CCDC138: variants seen among roughly 807,000 people sequenced by gnomAD.
CCDC138 encodes the protein coiled-coil domain-containing protein 138.
A neutral mutation model predicts 82.3 loss-of-function variants in CCDC138; 66 were observed. The ratio of observed to expected loss-of-function variants is 0.80; its 90% CI spans 0.66 to 0.98. The LOEUF is 0.98. Ranked by LOEUF, CCDC138 falls within the 50% of genes least tolerant of loss-of-function variation. The pLI, the probability that CCDC138 is intolerant of heterozygous loss-of-function variation, is 0.00. For synonymous variants in CCDC138, 297 were observed against 265.4 expected, an observed-to-expected ratio of 1.12 and a Z score of -1.16; for missense variants, 816 against 758.9, an observed-to-expected ratio of 1.08 and a Z score of -0.88.
intron 13 of CCDC138, among the ~76,000 whole-genome samples, chr2:108,860,851 T>C (rs945102643): frequency 1.3e-5 from 2 of 151,652 alleles, no homozygotes; most frequent in African/African-American, 4.8e-5. Flanking sequence ...CTCCTCGATA[T>C]TTTGGAATAG....
chr2:108,880,943 T>C (rs1426414119), downstream of CCDC138, among the ~76,000 whole-genome samples: 1 of 152,204 alleles, frequency 6.6e-6, no homozygotes, highest in Non-Finnish European at 1.5e-5. Flanking sequence ...TTATAATTCA[T>C]GAGAGAAGTT....
intron 3 of CCDC138, among the ~76,000 whole-genome samples, chr2:108,790,215 A>G (rs540845494): frequency 1.3e-5 from 2 of 152,218 alleles, no homozygotes; most frequent in East Asian, 1.9e-4. Flanking sequence ...GGATTTAGAC[A>G]TGAGCTACGT....
chr2:108,829,875 C>T, intron 10 of CCDC138, among the ~76,000 whole-genome samples: 1 of 152,150 alleles, frequency 6.6e-6, no homozygotes, highest in East Asian at 1.9e-4. Context: ...GGTGATTCTT[C>T]AAAAACTTAA....
At chr2:108,853,093 G>GT (rs1213397676) in intron 12 of CCDC138, among the ~76,000 whole-genome samples, 2 of 152,156 alleles carry the variant, frequency 1.3e-5, no homozygotes, top group Non-Finnish European at 2.9e-5. Context: ...ATGTTCCAAG[G>GT]TGTTAATATG....
chr2:108,879,908 C>T (rs969409913), downstream of CCDC138, among the ~76,000 whole-genome samples: 2 of 151,970 alleles, frequency 1.3e-5, no homozygotes, highest in Non-Finnish European at 2.9e-5. Context: ...CTAGAGTAAA[C>T]AATGTAAAAT....
chr2:108,816,864 T>TA (rs1184469272), intron 10 of CCDC138, among the ~76,000 whole-genome samples: 5 of 152,060 alleles, frequency 3.3e-5, no homozygotes, highest in African/African-American at 9.7e-5. Context: ...AGCTAATTTT[T>TA]AAAAAAAATT....
chr2:108,827,627 T>C (rs1042661049), intron 10 of CCDC138, among the ~76,000 whole-genome samples: 9 of 151,914 alleles, frequency 5.9e-5, no homozygotes, highest in African/African-American at 1.4e-4. Flanking sequence ...CTATCCTGGC[T>C]AACACAGTGA....
chr2:108,822,506 C>T (rs969214490), intron 10 of CCDC138, among the ~76,000 whole-genome samples: 1 of 152,148 alleles, frequency 6.6e-6, no homozygotes, highest in African/African-American at 2.4e-5. Flanking sequence ...ATACATTCTT[C>T]TCTTCTCAAG....
rs1684758138 is a variant in CCDC138, at chr2:108,816,107, T to C, written c.1206+2T>C. 6.3e-7 allele frequency: 1 copy of C among 1,595,522 alleles called. No homozygotes were observed. On this transcript the variant is annotated splice_donor_variant, in intron 10 of 14. Coordinates refer to ENST00000295124, the MANE Select transcript of CCDC138 (RefSeq NM_144978.3). LOFTEE classifies it high-confidence loss of function. ...GATATTCAGGAGAAGTGTGTAAAGG[T>C]TTGTTTTTTAATTTGAAATATGTGA... is the stretch of plus-strand genomic sequence containing the variant.
At chr2:108,799,066 T>TG (rs1042497230) in intron 6 of CCDC138, among the ~76,000 whole-genome samples, 3 of 152,174 alleles carry the variant, frequency 2.0e-5, no homozygotes, top group African/African-American at 7.2e-5. Context: ...GGGGGTTGTT[T>TG]GTTTGATCAA....
At chr2:108,789,855 T>C (rs1039316174) in intron 3 of CCDC138, among the ~76,000 whole-genome samples, 4 of 152,126 alleles carry the variant, frequency 2.6e-5, no homozygotes, top group Non-Finnish European at 4.4e-5. Context: ...AAAATAAAGA[T>C]CTAAGTTGGA....
At position 108,815,972 on chromosome 2, in the gene CCDC138, T is replaced by G; in HGVS notation, c.1073T>G (p.Leu358Ter). Residue 358 changes from leucine (L) to a stop codon, truncating the protein, a stop_gained, in exon 10 of 15, where the codon TTA (leucine) becomes TGA (stop). Transcript: ENST00000295124. LOFTEE classifies it high-confidence loss of function. ...CTTAATGGGCAAGTTTATGAACTTTTAACTGTCTTCATGGACTGGATTTCG... is the reference window on the plus strand; with the variant it reads ...CTTAATGGGCAAGTTTATGAACTTTGAACTGTCTTCATGGACTGGATTTCG... ...VPLNGQVYEL[L>*]TVFMDWISDH... 1.2e-6 allele frequency: 2 copies of G among 1,612,978 alleles called. No homozygotes were observed. The highest frequency in any genetic ancestry group is 2.2e-5 in the South Asian group (2 of 90,812).
At chr2:108,857,263 G>C (rs1692778147) in intron 13 of CCDC138, among the ~76,000 whole-genome samples, 1 of 151,862 alleles carries the variant, frequency 6.6e-6, no homozygotes, top group South Asian at 2.1e-4. Flanking sequence ...ATTTTTGGTA[G>C]AGACGGGGTT....
At chr2:108,842,945 A>G (rs534500743) in intron 11 of CCDC138, among the ~76,000 whole-genome samples, 4 of 152,222 alleles carry the variant, frequency 2.6e-5, no homozygotes, top group South Asian at 2.1e-4. Flanking sequence ...CCTTTTCTGT[A>G]TACGCTTAGA....
Position 108,846,791 on chromosome 2 carries a change from A to G in CCDC138, c.1377A>G (p.Gly459=), listed in dbSNP as rs1430477668. The change falls in exon 12 of 15, where the codon GGA becomes GGG. Residue 459 remains glycine (G), a synonymous_variant. Coordinates refer to ENST00000295124, the MANE Select transcript of CCDC138 (RefSeq NM_144978.3). ...GATTGGGTGAAGACATTTTTAAAGG[A>G]GTGGTAACTAAAGGAATTCAGGATA... ...LRRLGEDIFK[G]VVTKGIQDNS... is the part of the protein sequence containing the mutation. 6.2e-7 allele frequency: 1 copy of G among 1,612,422 alleles called. No individual in the cohort carries two copies. Among genetic ancestry groups the G allele is most frequent in the Non-Finnish European group, 8.5e-7 (1 of 1,178,780 alleles).
chr2:108,813,115 G>A (rs889232635), intron 9 of CCDC138, among the ~76,000 whole-genome samples, 188 bp downstream of exon 9: 2 of 151,828 alleles, frequency 1.3e-5, no homozygotes, highest in Admixed American at 1.3e-4. Context: ...CAGGCATGGT[G>A]GCACACGCCT....
intron 10 of CCDC138, among the ~76,000 whole-genome samples, chr2:108,818,300 C>T (rs1685121320): frequency 6.6e-6 from 1 of 152,102 alleles, no homozygotes; most frequent in African/African-American, 2.4e-5. Context: ...GAGTGAGACC[C>T]TGTCTGAAGA....
At chr2:108,880,202 AAC>A (rs375615575), downstream of CCDC138, among the ~76,000 whole-genome samples, 794 of 83,536 alleles carry the variant, frequency 9.5e-3, 7 homozygotes, top group African/African-American at 0.028. Context: ...AAAAAAAAAA[AAC>A]AACAACAAAC....
chr2:108,789,853 G>T (rs1185091843), intron 3 of CCDC138, among the ~76,000 whole-genome samples: 5 of 152,106 alleles, frequency 3.3e-5, no homozygotes, highest in African/African-American at 1.2e-4. Flanking sequence ...GTAAAATAAA[G>T]ATCTAAGTTG....
Sources: allele counts gnomAD v4.1 joint callset (sites outside exome capture counted in the v4.1 genomes callset), GRCh38; gene constraint gnomAD v4.1.1; transcripts MANE v1.5; gene names NCBI Gene and HGNC (gene_info 2026-07-23, HGNC 2026-07-21).